Variants in ATRX observed in about 807,000 individuals in gnomAD.
ATRX encodes chromatin remodeler ATRX.
A neutral mutation model predicts 172.6 loss-of-function variants in ATRX; 12 were observed. That is an observed-to-expected ratio of 0.07 (90% CI 0.04 to 0.11). The LOEUF (loss-of-function observed/expected upper bound fraction) is 0.11, where lower values mean the gene tolerates loss of function less well. Ranked by LOEUF, ATRX falls within the 10% of genes least tolerant of loss-of-function variation. The pLI is 1.00. For missense variants in ATRX, 1,368 were observed against 1,767.4 expected, an observed-to-expected ratio of 0.77 and a Z score of 4.05; for synonymous variants, 674 against 594.7, an observed-to-expected ratio of 1.13 and a Z score of -1.94.
intron 8 of ATRX, 51 bp from the exon 9 acceptor site, chrX:77,684,644 A>G (rs1357884624): frequency 1.8e-6 from 2 of 1,097,779 alleles, no homozygotes; most frequent in African/African-American, 3.7e-5. Flanking sequence ...AGGAAACTGA[A>G]AAGATATGTA....
intron 30 of ATRX, among the ~76,000 whole-genome samples, chrX:77,547,794 C>T (rs1030389110): frequency 5.4e-5 from 6 of 111,417 alleles, no homozygotes; most frequent in Non-Finnish European, 1.1e-4. Context: ...ATGTCTTCTG[C>T]AGCTTAGCTG....
rs782539608 is a variant in ATRX at position 77,775,040 on chromosome X, C to T, written c.20+10942G>A. On this transcript the variant is annotated intron_variant, in intron 1 of 34. Coordinates refer to ENST00000373344, the MANE Select transcript of ATRX (RefSeq NM_000489.6). Reference sequence around the variant, plus strand: ...TGGGAGGCCGCACTCAGCCTTAATGCTAATTTTTAATTTTGCTAACTATAC... The same window carrying T: ...TGGGAGGCCGCACTCAGCCTTAATGTTAATTTTTAATTTTGCTAACTATAC... Among the ~76,000 whole-genome samples the T allele has an allele frequency of 7.2e-5, 8 of 111,205 alleles. No individual in the cohort carries two copies. In the South Asian group the frequency reaches 3.0e-3, roughly 42 times the overall value.
At chrX:77,633,477 AC>A (rs1557106568) in intron 18 of ATRX, 88 bp downstream of exon 18, 18 of 1,117,572 alleles carry the variant, frequency 1.6e-5, no homozygotes, top group Non-Finnish European at 4.8e-6. Context: ...TGGTTAAAAA[AC>A]ATTAAAAATT....
intron 1 of ATRX, among the ~76,000 whole-genome samples, chrX:77,734,487 G>T (rs1446031421): frequency 1.8e-5 from 2 of 111,957 alleles, no homozygotes; most frequent in Admixed American, 1.9e-4. Context: ...ATATACGGAA[G>T]AATGAAACTA....
At chrX:77,550,701 G>A (rs1371279693) in intron 30 of ATRX, among the ~76,000 whole-genome samples, 12 of 111,386 alleles carry the variant, frequency 1.1e-4, no homozygotes, top group Admixed American at 1.1e-3. Flanking sequence ...TGACATGACT[G>A]TATATCTAGA....
At chrX:77,688,529 T>C (rs1192814470) in intron 7 of ATRX, among the ~76,000 whole-genome samples, 3 of 111,646 alleles carry the variant, frequency 2.7e-5, no homozygotes, top group Non-Finnish European at 3.8e-5. Context: ...CAGAACATGA[T>C]GAACCAATCT....
chrX:77,639,036 G>A (rs2068528978), intron 15 of ATRX, among the ~76,000 whole-genome samples: 2 of 112,202 alleles, frequency 1.8e-5, no homozygotes, highest in Admixed American at 1.9e-4. Flanking sequence ...TATAAAAATG[G>A]AAAATTCCCT....
At chrX:77,712,383 C>T (rs1179683986) in intron 2 of ATRX, among the ~76,000 whole-genome samples, 5 of 112,308 alleles carry the variant, frequency 4.5e-5, no homozygotes, top group African/African-American at 1.6e-4. Flanking sequence ...AACTAGTGAA[C>T]ACAGGACTCC....
Position 77,656,541 on chromosome X carries a change from T to A in ATRX, c.4214+19A>T, listed in dbSNP as rs782800692. ...ATTCAGATTAATTCCTAAAATTTTT[T>A]AAAAACCAATTATAATACCTTGTTC... On this transcript the variant is annotated intron_variant, in intron 13 of 34. Coordinates refer to ENST00000373344, the MANE Select transcript of ATRX (RefSeq NM_000489.6). 3.2e-5 allele frequency: 38 copies of A among 1,193,283 alleles called. No homozygotes were observed. Among genetic ancestry groups the A allele is most frequent in the East Asian group, 1.2e-4 (4 of 33,659 alleles).
intron 1 of ATRX, among the ~76,000 whole-genome samples, chrX:77,739,529 T>C (rs782129095): frequency 8.0e-4 from 88 of 110,608 alleles, no homozygotes; most frequent in Non-Finnish European, 1.0e-3. Context: ...CCACTGTGCT[T>C]ACCACACTAT....
At chrX:77,669,855 T>C (rs782276918) in intron 10 of ATRX, among the ~76,000 whole-genome samples, 1 of 109,970 alleles carries the variant, frequency 9.1e-6, no homozygotes, top group Non-Finnish European at 1.9e-5. Flanking sequence ...TGTACCACCA[T>C]GCCCGGCTAA....
At chrX:77,512,122 G>C (rs1222640286) in intron 34 of ATRX, among the ~76,000 whole-genome samples, 1 of 111,684 alleles carries the variant, frequency 9.0e-6, no homozygotes, top group East Asian at 2.8e-4. Context: ...AATACATCTG[G>C]CAGTAGACTT....
chrX:77,732,712 A>G (rs2074354610), intron 1 of ATRX, among the ~76,000 whole-genome samples: 1 of 112,177 alleles, frequency 8.9e-6, no homozygotes, highest in South Asian at 3.7e-4. Flanking sequence ...CTATTTGATA[A>G]TATTCAACAT....
At chrX:77,518,697 G>C (rs1557040080) in intron 34 of ATRX, among the ~76,000 whole-genome samples, 1 of 111,603 alleles carries the variant, frequency 9.0e-6, no homozygotes, top group African/African-American at 3.3e-5. Flanking sequence ...AATAGGCAAA[G>C]CTGTAGTGAG....
chrX:77,716,824 A>C (rs1291348587), intron 2 of ATRX, among the ~76,000 whole-genome samples: 13 of 112,186 alleles, frequency 1.2e-4, no homozygotes, highest in African/African-American at 3.6e-4. Flanking sequence ...TGCCTCTTCT[A>C]ATACTATTTT....
intron 1 of ATRX, among the ~76,000 whole-genome samples, chrX:77,781,620 T>C (rs1233772493): frequency 9.0e-6 from 1 of 110,962 alleles, no homozygotes; most frequent in African/African-American, 3.3e-5. Flanking sequence ...GATGGAAAAA[T>C]AGAAGTTAAA....
chrX:77,736,873 G>T (rs2074592021), intron 1 of ATRX, among the ~76,000 whole-genome samples: 1 of 111,636 alleles, frequency 9.0e-6, no homozygotes, highest in Admixed American at 9.6e-5. Context: ...ACACAAAATG[G>T]ACTACTATTC....
intron 15 of ATRX, among the ~76,000 whole-genome samples, chrX:77,645,425 T>A: frequency 8.9e-6 from 1 of 111,770 alleles, no homozygotes; most frequent in Non-Finnish European, 1.9e-5. Context: ...AGGGGTGAGC[T>A]ACTGTGCCAG....
At chrX:77,549,070 C>T (rs1369027390) in intron 30 of ATRX, among the ~76,000 whole-genome samples, 1 of 111,758 alleles carries the variant, frequency 8.9e-6, no homozygotes, top group Non-Finnish European at 1.9e-5. Flanking sequence ...AGGAACAAAA[C>T]ACCCACTTAA....
Sources: gnomAD v4.1 joint callset for allele counts (sites outside exome capture counted in the v4.1 genomes callset) on GRCh38, gnomAD v4.1.1 for gene constraint, MANE v1.5 for transcripts, NCBI Gene and HGNC (gene_info 2026-07-23, HGNC 2026-07-21) for gene names.